The following KDM7A variants were observed in gnomAD, a reference collection of about 807,000 sequenced individuals.
KDM7A encodes lysine demethylase 7A.
KDM7A carries 28 observed loss-of-function variants against 114.8 expected under a neutral mutation model. That is an observed-to-expected ratio of 0.24 (90% CI 0.18 to 0.33). KDM7A has a LOEUF of 0.33. KDM7A is among the 10% of genes least tolerant of loss of function. KDM7A has a pLI of 1.00. For missense variants in KDM7A, 942 were observed against 1,142.5 expected (o/e 0.82, Z 2.53); for synonymous variants, 423 against 397.8 (o/e 1.06, Z -0.75).
chr7:140,111,446 C>T (rs1196567353), intron 10 of KDM7A, among the ~76,000 whole-genome samples: 1 of 152,184 alleles, frequency 6.6e-6, no homozygotes, highest in African/African-American at 2.4e-5. Flanking sequence ...TAACCTTGTA[C>T]TCTACTCCTC....
intron 1 of KDM7A, among the ~76,000 whole-genome samples, chr7:140,160,349 G>A (rs7809010): frequency 2.0e-5 from 3 of 152,128 alleles, no homozygotes; most frequent in African/African-American, 4.8e-5. Context: ...ATATCCTAAC[G>A]TTACTTGAAG....
chr7:140,154,223 T>C (rs906668364), intron 1 of KDM7A, among the ~76,000 whole-genome samples: 2 of 151,796 alleles, frequency 1.3e-5, no homozygotes, highest in South Asian at 4.1e-4. Context: ...CAGTAGCTCA[T>C]GTCTAAAAAC....
chr7:140,091,465 A>C (rs2116731817), intron 19 of KDM7A, among the ~76,000 whole-genome samples: 1 of 152,140 alleles, frequency 6.6e-6, no homozygotes, highest in Middle Eastern at 3.4e-3. Context: ...AACAAAACTG[A>C]CTACCATTTC....
chr7:140,150,453 G>T (rs558151700), intron 1 of KDM7A, among the ~76,000 whole-genome samples: 1 of 152,070 alleles, frequency 6.6e-6, no homozygotes, highest in Non-Finnish European at 1.5e-5. Context: ...GCTTCTACAC[G>T]GCAGCCTTTC....
intron 19 of KDM7A, 149 bp downstream of exon 19, chr7:140,091,655 T>C (rs1184734310): frequency 9.4e-6 from 8 of 851,760 alleles, no homozygotes; most frequent in Admixed American, 7.3e-5. Flanking sequence ...TCTTTGTTCC[T>C]GTAGTAGCCT....
rs1817905233 is a variant in KDM7A at position 140,085,199 on chromosome 7, C to T, written c.*5895G>A. ...ACATTGACTGCCTATACAAACAAGACGAGACGCTATTCCGCAGACACCCCC... is the reference window on the plus strand; with the variant it reads ...ACATTGACTGCCTATACAAACAAGATGAGACGCTATTCCGCAGACACCCCC... On this transcript the variant is annotated 3_prime_UTR_variant, in exon 20 of 20. Transcript: ENST00000397560. 6.6e-6 allele frequency: 1 copy of T among 151,246 alleles called. No homozygotes were observed. The highest frequency in any genetic ancestry group is 2.1e-4 in the South Asian group (1 of 4,766). The allele number at this position is 151,246 out of a possible 1,614,324, so 9.4% of individuals were successfully genotyped here. A position where few individuals can be genotyped will look rare whatever the true frequency, so the allele number is the denominator to read the frequency against.
In KDM7A at chr7:140,173,938, C is replaced by T. The variant is rs574775830; in HGVS notation, c.194+2806G>A. On this transcript the variant is annotated intron_variant, in intron 1 of 19. Coordinates refer to ENST00000397560, the MANE Select transcript of KDM7A (RefSeq NM_030647.2). ...CAGCACTTTGGGAGGCCGAGGTGGG[C>T]GGATAACCTGAGGTCAAGAGTTCGA... Among the ~76,000 whole-genome samples the T allele has an allele frequency of 4.3e-3, 651 of 151,948 alleles. 8 individuals carry two copies. Among genetic ancestry groups the T allele is most frequent in the African/African-American group, 0.014 (592 of 41,454 alleles).
At position 140,124,613 on chromosome 7, in the gene KDM7A, A is replaced by C; in HGVS notation, c.1051+8T>G. 1 of 1,602,056 alleles carries C rather than the reference A, an allele frequency of 6.2e-7. No homozygotes were observed. Among genetic ancestry groups the C allele is most frequent in the East Asian group, 2.3e-5 (1 of 44,384 alleles). On this transcript the variant is annotated splice_region_variant and intron_variant, in intron 7 of 19. Transcript: ENST00000397560. ...CATGTTGAGTAGGGGATGGGATGAAAACCTTACCTGTAGGAACAAATAAGG... is the reference window on the plus strand; with the variant it reads ...CATGTTGAGTAGGGGATGGGATGAACACCTTACCTGTAGGAACAAATAAGG...
chr7:140,124,577 T>C (rs1297072193), intron 7 of KDM7A, 44 bp downstream of exon 7: 1 of 1,481,330 alleles, frequency 6.8e-7, no homozygotes, highest in Non-Finnish European at 9.2e-7. Context: ...CAACTCCATG[T>C]GACTATCAAT....
chr7:140,109,444 A>C (rs1030942870), intron 11 of KDM7A, among the ~76,000 whole-genome samples: 1 of 152,200 alleles, frequency 6.6e-6, no homozygotes, highest in Non-Finnish European at 1.5e-5. Context: ...GTAGTATTCC[A>C]CTGTGAGTAT....
intron 3 of KDM7A, among the ~76,000 whole-genome samples, chr7:140,130,803 T>C (rs1049227472): frequency 6.6e-6 from 1 of 151,330 alleles, no homozygotes; most frequent in Admixed American, 6.6e-5. Flanking sequence ...ATGCTCCCAT[T>C]GACAACTACT....
chr7:140,116,170 G>A (rs1818525894), intron 9 of KDM7A, among the ~76,000 whole-genome samples: 1 of 152,150 alleles, frequency 6.6e-6, no homozygotes, highest in South Asian at 2.1e-4. Context: ...CTTGTACTAG[G>A]TGACAAAGAC....
chr7:140,142,676 T>C lies in KDM7A; in HGVS notation c.195-3486A>G, dbSNP rs1794297096. Among the ~76,000 whole-genome samples the C allele has an allele frequency of 3.9e-5, 6 of 152,318 alleles. No individual in the cohort carries two copies. The South Asian group carries it at 1.0e-3, about 26-fold the overall frequency. ...AACTGATAGTCTGATACAGCCATTG[T>C]GGAAAACAATTCTGCACTAAAACTG... On this transcript the variant is annotated intron_variant, in intron 1 of 19. Coordinates refer to ENST00000397560, the MANE Select transcript of KDM7A (RefSeq NM_030647.2).
chr7:140,112,195 T>C (rs1818444777), intron 10 of KDM7A, among the ~76,000 whole-genome samples: 2 of 152,250 alleles, frequency 1.3e-5, no homozygotes, highest in African/African-American at 4.8e-5. Context: ...CTAGCAGATA[T>C]GTAGCAATGA....
At chr7:140,135,722 G>C (rs1353801234) in intron 2 of KDM7A, among the ~76,000 whole-genome samples, 4 of 151,868 alleles carry the variant, frequency 2.6e-5, no homozygotes, top group Non-Finnish European at 5.9e-5. Context: ...ATGTTTCCCT[G>C]ATTAATTCCT....
chr7:140,115,496 C>A (rs1585147098), intron 9 of KDM7A, among the ~76,000 whole-genome samples: 1 of 152,188 alleles, frequency 6.6e-6, no homozygotes, highest in East Asian at 1.9e-4. Context: ...GACCTTACCC[C>A]CAACCCCGTG....
intron 8 of KDM7A, 32 bp downstream of exon 8, chr7:140,120,410 C>A: frequency 7.5e-7 from 1 of 1,326,438 alleles, no homozygotes; most frequent in Non-Finnish European, 1.1e-6. Flanking sequence ...TTAAAAAGGA[C>A]AAAAGGTCAT....
chr7:140,122,515 G>A (rs1818631936), intron 7 of KDM7A, among the ~76,000 whole-genome samples: 1 of 152,136 alleles, frequency 6.6e-6, no homozygotes, highest in African/African-American at 2.4e-5. Context: ...TAGTTCTAAG[G>A]CATGTCTTCA....
chr7:140,163,612 T>C (rs1412660747), intron 1 of KDM7A, among the ~76,000 whole-genome samples: 4 of 152,090 alleles, frequency 2.6e-5, no homozygotes, highest in Admixed American at 2.6e-4. Flanking sequence ...TTTTGTTCTA[T>C]TTTTCTGTTT....
Sources: allele counts gnomAD v4.1 joint callset (sites outside exome capture counted in the v4.1 genomes callset), GRCh38; gene constraint gnomAD v4.1.1; transcripts MANE v1.5; gene names NCBI Gene and HGNC (gene_info 2026-07-23, HGNC 2026-07-21).